Variants in RANBP2 observed in about 807,000 individuals in gnomAD.
RANBP2 encodes the protein E3 SUMO-protein ligase RanBP2.
RANBP2 carries 57 observed loss-of-function variants against 303.6 expected under a neutral mutation model. That is an observed-to-expected ratio of 0.19 (90% CI 0.15 to 0.23). The LOEUF is 0.23. Ranked by LOEUF, RANBP2 falls within the 10% of genes least tolerant of loss-of-function variation. The probability of loss-of-function intolerance (pLI) is 1.00; values close to 1 mark genes in which losing one functional copy is unlikely to be tolerated. For missense variants in RANBP2, 3,138 were observed against 3,780.8 expected (o/e 0.83, Z 4.46); for synonymous variants, 1,167 against 1,301.5 (o/e 0.90, Z 2.23).
chr2:108,997,440 C>CA, the RANBP2 span, among the ~76,000 whole-genome samples: 493 of 49,910 alleles, frequency 9.9e-3, 71 homozygotes, highest in South Asian at 0.032. Context: ...GACTCTGTCT[C>CA]AAAAAAAAAA....
the RANBP2 span, among the ~76,000 whole-genome samples, chr2:109,058,514 G>T: frequency 3.9e-5 from 6 of 152,288 alleles, no homozygotes; most frequent in African/African-American, 7.2e-5. Context: ...ATTATGCAGC[G>T]GCCTGAGGGA....
chr2:108,904,831 T>C, the RANBP2 span, among the ~76,000 whole-genome samples: 2 of 151,990 alleles, frequency 1.3e-5, no homozygotes, highest in African/African-American at 4.8e-5. Flanking sequence ...GGGTGGAAAT[T>C]GGCTGTGGCT....
At chr2:109,501,496 T>G in the RANBP2 span, 6 of 776,012 alleles carry the variant, frequency 7.7e-6, no homozygotes, top group East Asian at 1.2e-4. Flanking sequence ...CTGTGCTGTT[T>G]CCCCAGGTAC....
At chr2:109,733,230 C>T in the RANBP2 span, 2 of 355,114 alleles carry the variant, frequency 5.6e-6, no homozygotes, top group African/African-American at 4.3e-5. Flanking sequence ...GGATTATTCA[C>T]AATCGAATGG....
chr2:108,909,799 G>T, the RANBP2 span, among the ~76,000 whole-genome samples: 1 of 152,214 alleles, frequency 6.6e-6, no homozygotes, highest in Admixed American at 6.5e-5. Context: ...CGCGGGAAAG[G>T]CTTCACCTGC....
chr2:109,551,474 C>CA, the RANBP2 span, among the ~76,000 whole-genome samples: 1 of 152,034 alleles, frequency 6.6e-6, no homozygotes, highest in Non-Finnish European at 1.5e-5. Flanking sequence ...GGTTCAAAAA[C>CA]AAAAACAGAA....
the RANBP2 span, among the ~76,000 whole-genome samples, chr2:108,971,665 T>C: frequency 2.6e-5 from 4 of 152,160 alleles, no homozygotes; most frequent in African/African-American, 9.7e-5. Flanking sequence ...AAACTGAGGC[T>C]GAGAGATTTA....
chr2:109,404,059 G>T, the RANBP2 span, among the ~76,000 whole-genome samples: 45,171 of 152,110 alleles, frequency 0.3, 8,313 homozygotes, highest in Non-Finnish European at 0.41. Context: ...ACTGCTTTCT[G>T]CTCCAGGAGC....
the RANBP2 span, among the ~76,000 whole-genome samples, chr2:108,798,940 A>G: frequency 1.3e-5 from 2 of 152,176 alleles, no homozygotes; most frequent in Admixed American, 6.6e-5. Flanking sequence ...GAATAAAGAC[A>G]TTCTCCAGAC....
At chr2:109,375,400 G>A in the RANBP2 span, among the ~76,000 whole-genome samples, 1 of 152,222 alleles carries the variant, frequency 6.6e-6, no homozygotes, top group Non-Finnish European at 1.5e-5. Context: ...AGCGCCCCTT[G>A]CCAGGAGCCT....
At chr2:109,567,682 C>T in the RANBP2 span, 1 of 901,154 alleles carries the variant, frequency 1.1e-6, no homozygotes, top group Non-Finnish European at 1.6e-6. Flanking sequence ...TCATACTGGA[C>T]TTTTTGAAAA....
chr2:109,583,837 C>T, the RANBP2 span, among the ~76,000 whole-genome samples: 1 of 152,072 alleles, frequency 6.6e-6, no homozygotes, highest in Non-Finnish European at 1.5e-5. Context: ...TCTTTTGTAC[C>T]AACATGGATG....
chr2:109,318,776 A>G, the RANBP2 span, among the ~76,000 whole-genome samples: 1 of 152,200 alleles, frequency 6.6e-6, no homozygotes, highest in African/African-American at 2.4e-5. Flanking sequence ...ACAAAGCATG[A>G]AAGCCCAGCC....
the RANBP2 span, among the ~76,000 whole-genome samples, chr2:109,045,049 T>C: frequency 6.6e-6 from 1 of 152,176 alleles, no homozygotes; most frequent in South Asian, 2.1e-4. Flanking sequence ...ACCTTAATAC[T>C]CTCAGAAGAT....
chr2:109,683,492 G>A, the RANBP2 span, among the ~76,000 whole-genome samples: 2 of 152,132 alleles, frequency 1.3e-5, no homozygotes, highest in Non-Finnish European at 2.9e-5. Context: ...CATGGGCAGG[G>A]GGTCTTAAGT....
the RANBP2 span, among the ~76,000 whole-genome samples, chr2:109,478,179 A>G: frequency 1.2e-4 from 19 of 152,282 alleles, no homozygotes; most frequent in East Asian, 9.7e-4. Context: ...AGTGCATTCT[A>G]TGACCTAACG....
chr2:109,698,546 ATATATT>A, the RANBP2 span, among the ~76,000 whole-genome samples: 1 of 152,060 alleles, frequency 6.6e-6, no homozygotes, highest in Non-Finnish European at 1.5e-5. Flanking sequence ...TAGCTCCTGA[ATATATT>A]TATAATATTT....
chr2:109,710,192 G>A, the RANBP2 span, among the ~76,000 whole-genome samples: 1 of 151,376 alleles, frequency 6.6e-6, no homozygotes, highest in African/African-American at 2.4e-5. Flanking sequence ...GAGCAGTCTG[G>A]CCAACGCGGT....
At chr2:109,420,647 G>C in the RANBP2 span, among the ~76,000 whole-genome samples, 2 of 152,044 alleles carry the variant, frequency 1.3e-5, no homozygotes, top group African/African-American at 2.4e-5. Context: ...GGGTTTCACC[G>C]TGTTAGCCAG....
Sources: allele counts gnomAD v4.1 joint callset (sites outside exome capture counted in the v4.1 genomes callset), GRCh38; gene constraint gnomAD v4.1.1; transcripts MANE v1.5; gene names NCBI Gene and HGNC (gene_info 2026-07-23, HGNC 2026-07-21).